The following MRPS6 variants were observed in gnomAD, a reference collection of about 807,000 sequenced individuals.
MRPS6 encodes the protein mitochondrial ribosomal protein S6.
In MRPS6, 6 loss-of-function variants were observed where a neutral mutation model predicts 13.1. The ratio of observed to expected loss-of-function variants is 0.46; its 90% CI spans 0.25 to 0.91. MRPS6 has a LOEUF of 0.91. Ranked by LOEUF, MRPS6 falls within the 40% of genes least tolerant of loss-of-function variation. The pLI is 0.18. For synonymous variants in MRPS6, 61 were observed against 56.5 expected (o/e 1.08, Z -0.36); for missense variants, 164 against 155.6 (o/e 1.05, Z -0.29).
At chr21:34,133,960 A>G (rs1980597925) in intron 2 of MRPS6, among the ~76,000 whole-genome samples, 1 of 152,188 alleles carries the variant, frequency 6.6e-6, no homozygotes, top group Non-Finnish European at 1.5e-5. Flanking sequence ...GGAAGGAAAA[A>G]AGCATTGGGC....
At chr21:34,095,034 A>T in intron 1 of MRPS6, 2 of 800,744 alleles carry the variant, frequency 2.5e-6, no homozygotes, top group Non-Finnish European at 3.7e-6. Flanking sequence ...TATCACAACC[A>T]CCACCATCAA....
At chr21:34,130,898 T>G (rs1426911619) in intron 2 of MRPS6, among the ~76,000 whole-genome samples, 2 of 152,192 alleles carry the variant, frequency 1.3e-5, no homozygotes, top group Admixed American at 1.3e-4. Context: ...ATTCTATAAT[T>G]AGCACCACAC....
At chr21:34,116,047 A>T (rs775231555) in intron 1 of MRPS6, among the ~76,000 whole-genome samples, 8 of 151,676 alleles carry the variant, frequency 5.3e-5, no homozygotes, top group Non-Finnish European at 8.8e-5. Flanking sequence ...TCACTCTGTT[A>T]CCCAGGATGG....
chr21:34,139,371 G>A (rs972848034), intron 2 of MRPS6, among the ~76,000 whole-genome samples: 8 of 152,070 alleles, frequency 5.3e-5, no homozygotes, highest in African/African-American at 1.7e-4. Flanking sequence ...TAAATGTTTG[G>A]TGTAATTCAC....
At position 34,079,602 on chromosome 21, in the gene MRPS6, A is replaced by ATTTTT. The variant is rs398036389; in HGVS notation, c.45+5884_45+5888dup. On this transcript the variant is annotated intron_variant, in intron 1 of 2. Transcript: ENST00000399312. Reference sequence around the variant, plus strand: ...AGGCATGCGCCACCAGACCCAGCTAATTTTTTTTTTTTTTTTTTTTTTTTT... The same window carrying ATTTTT: ...AGGCATGCGCCACCAGACCCAGCTAATTTTTTTTTTTTTTTTTTTTTTTTTTTTTT... Among the ~76,000 whole-genome samples, 163 of 43,680 alleles carry ATTTTT rather than the reference A, an allele frequency of 3.7e-3. 14 individuals carry two copies. The highest frequency in any genetic ancestry group is 0.012 in the African/African-American group (142 of 11,778). The allele number at this position is 43,680 out of a possible 152,430, so 28.7% of individuals were successfully genotyped here. A position where few individuals can be genotyped will look rare whatever the true frequency, so the allele number is the denominator to read the frequency against.
chr21:34,099,468 T>C, intron 1 of MRPS6: 2 of 1,000,088 alleles, frequency 2.0e-6, no homozygotes, highest in Non-Finnish European at 2.4e-6. Context: ...TCTTGGATTT[T>C]TCAAATTAAC....
At chr21:34,082,117 G>A (rs1989473421) in intron 1 of MRPS6, among the ~76,000 whole-genome samples, 2 of 151,434 alleles carry the variant, frequency 1.3e-5, no homozygotes, top group East Asian at 3.9e-4. Context: ...CAAATGTAAT[G>A]TATCTGTGGG....
At chr21:34,085,851 C>CCACA (rs1978344617) in intron 1 of MRPS6, among the ~76,000 whole-genome samples, 1 of 152,170 alleles carries the variant, frequency 6.6e-6, no homozygotes, top group Non-Finnish European at 1.5e-5. Context: ...ATTCACCCGC[C>CCACA]TCGGCCTCCC....
intron 1 of MRPS6, among the ~76,000 whole-genome samples, chr21:34,074,690 A>G (rs1168825310): frequency 6.6e-6 from 1 of 152,162 alleles, no homozygotes; most frequent in Non-Finnish European, 1.5e-5. Flanking sequence ...TTTCTCCACC[A>G]GGTGTAATAA....
intron 1 of MRPS6, chr21:34,097,570 A>C: frequency 7.5e-7 from 1 of 1,329,258 alleles, no homozygotes; most frequent in Non-Finnish European, 9.7e-7. Flanking sequence ...AACAGACTGA[A>C]TTGTGCAAAT....
intron 1 of MRPS6, chr21:34,095,158 C>A: frequency 7.0e-7 from 1 of 1,434,664 alleles, no homozygotes; most frequent in South Asian, 1.3e-5. Context: ...AAAAGTTGGA[C>A]ACTTCTGTCA....
chr21:34,115,650 A>AGT (rs1246793376), intron 1 of MRPS6, among the ~76,000 whole-genome samples: 2 of 152,188 alleles, frequency 1.3e-5, no homozygotes, highest in African/African-American at 4.8e-5. Flanking sequence ...TCAGTGTCCA[A>AGT]GTGTAGATCT....
intron 2 of MRPS6, among the ~76,000 whole-genome samples, chr21:34,139,786 C>T (rs1205230339): frequency 1.3e-5 from 2 of 152,156 alleles, no homozygotes; most frequent in Non-Finnish European, 2.9e-5. Context: ...CCATGTTGCC[C>T]AGGCTTTTCT....
chr21:34,104,501 A>C, intron 1 of MRPS6: 1 of 995,718 alleles, frequency 1.0e-6, no homozygotes, highest in Non-Finnish European at 1.2e-6. Context: ...ACTCTTTTAT[A>C]TAATTATCCT....
At chr21:34,135,238 G>A (rs1980649101) in intron 2 of MRPS6, among the ~76,000 whole-genome samples, 1 of 151,320 alleles carries the variant, frequency 6.6e-6, no homozygotes, top group Admixed American at 6.6e-5. Flanking sequence ...GTGGACACAT[G>A]CTTTAATTTC....
intron 2 of MRPS6, among the ~76,000 whole-genome samples, chr21:34,127,122 T>C (rs936049119): frequency 6.6e-6 from 1 of 152,194 alleles, no homozygotes; most frequent in African/African-American, 2.4e-5. Flanking sequence ...AGTCACTTAG[T>C]TCATTGACTT....
chr21:34,102,211 G>T (rs1417395199), intron 1 of MRPS6: 13 of 999,742 alleles, frequency 1.3e-5, no homozygotes, highest in Non-Finnish European at 1.6e-5. Flanking sequence ...TTTAGTTAAG[G>T]TTCAAAGTAA....
chr21:34,106,020 C>T, intron 1 of MRPS6: 1 of 994,190 alleles, frequency 1.0e-6, no homozygotes, highest in Non-Finnish European at 1.2e-6. Flanking sequence ...AAAAGCATAT[C>T]TGCTAAAGAG....
rs907772440 is a variant in MRPS6, at chr21:34,105,735, TGTC to T, written c.46-19605_46-19603del. On this transcript the variant is annotated intron_variant, in intron 1 of 2. Coordinates refer to ENST00000399312, the MANE Select transcript of MRPS6 (RefSeq NM_032476.4). ...AATGGATTTCCAGTTTACCTTCTGT[TGTC>T]TACAGCTTTTTTAATTTTAAGGTTT... 4 of 998,228 alleles carry T rather than the reference TGTC, an allele frequency of 4.0e-6. No individual in the cohort carries two copies. In the African/African-American group the frequency reaches 7.0e-5, roughly 17 times the overall value. The allele number at this position is 998,228 out of a possible 1,614,324, so 61.8% of individuals were successfully genotyped here. A position where few individuals can be genotyped will look rare whatever the true frequency, so the allele number is the denominator to read the frequency against.
Sources: allele counts gnomAD v4.1 joint callset (sites outside exome capture counted in the v4.1 genomes callset), GRCh38; gene constraint gnomAD v4.1.1; transcripts MANE v1.5; gene names NCBI Gene and HGNC (gene_info 2026-07-23, HGNC 2026-07-21).